MCC: variants seen among roughly 807,000 people sequenced by gnomAD.
MCC encodes MCC regulator of Wnt signaling pathway, also known as colorectal mutant cancer protein.
A neutral mutation model predicts 116.2 loss-of-function variants in MCC; 90 were observed. That is an observed-to-expected ratio of 0.77 (90% CI 0.65 to 0.92). MCC has a LOEUF of 0.92. Ranked by LOEUF, MCC falls within the 40% of genes least tolerant of loss-of-function variation. MCC has a pLI of 0.00. For missense variants in MCC, 1,516 were observed against 1,312.2 expected, an observed-to-expected ratio of 1.16 and a Z score of -2.40; for synonymous variants, 578 against 510.5, an observed-to-expected ratio of 1.13 and a Z score of -1.78.
intron 3 of MCC, among the ~76,000 whole-genome samples, chr5:113,216,995 T>C (rs1294572004): frequency 6.6e-6 from 1 of 152,252 alleles, no homozygotes; most frequent in East Asian, 1.9e-4. Flanking sequence ...ATTATTACTA[T>C]GGACAAAGTC....
At chr5:113,223,687 C>T (rs1011037833) in intron 3 of MCC, among the ~76,000 whole-genome samples, 1 of 152,020 alleles carries the variant, frequency 6.6e-6, no homozygotes, top group Non-Finnish European at 1.5e-5. Context: ...CTAGCCTAGA[C>T]CACAGAATGA....
intron 8 of MCC, among the ~76,000 whole-genome samples, chr5:113,097,013 T>A (rs1756068085): frequency 6.6e-6 from 1 of 152,154 alleles, no homozygotes; most frequent in African/African-American, 2.4e-5. Flanking sequence ...TTTACAGAAC[T>A]TTTATGAATT....
chr5:113,043,542 T>C lies in MCC; in HGVS notation c.2744A>G (p.Asn915Ser). The change falls in exon 17 of 19, where the codon AAC (asparagine) becomes AGC (serine). Residue 915 changes from asparagine to serine, a missense_variant. Asn to Ser is a conservative substitution (Grantham distance 46, BLOSUM62 1). Coordinates refer to ENST00000408903, the MANE Select transcript of MCC (RefSeq NM_001085377.2). The part of the protein sequence containing the change: ...SENELAAEFT[N>S]AIRREKKLKA... ...AAAGGGTGCTTACCGACGAATGGCG[T>C]TGGTGAACTCCGCAGCCAGCTCATT... is the stretch of plus-strand genomic sequence containing the variant. 1.9e-6 allele frequency: 3 copies of C among 1,613,978 alleles called. No homozygotes were observed. Among genetic ancestry groups the C allele is most frequent in the South Asian group, 1.1e-5 (1 of 91,036 alleles).
At chr5:113,068,290 C>G (rs1333943450) in intron 12 of MCC, 107 bp from the exon 13 acceptor site, 1 of 776,228 alleles carries the variant, frequency 1.3e-6, no homozygotes, top group Non-Finnish European at 2.2e-6. Flanking sequence ...CTCGGCCTCA[C>G]TCTCCACACA....
At position 113,115,736 on chromosome 5, in the gene MCC, G is replaced by C. The variant is rs11241193; in HGVS notation, c.1027+6948C>G. Among the ~76,000 whole-genome samples, 334 of 151,868 alleles carry C rather than the reference G, an allele frequency of 2.2e-3. 4 individuals carry two copies. The highest frequency in any genetic ancestry group is 7.1e-3 in the African/African-American group (294 of 41,374). On this transcript the variant is annotated intron_variant, in intron 6 of 18. Coordinates refer to ENST00000408903, the MANE Select transcript of MCC (RefSeq NM_001085377.2). ...GTTCTGTTTCACACATATGTGAAAA[G>C]AAGTTCAAATCTACGTATAATCATT...
chr5:113,182,493 G>A (rs75674416), intron 3 of MCC, among the ~76,000 whole-genome samples: 4,923 of 152,238 alleles, frequency 0.032, 265 homozygotes, highest in African/African-American at 0.11. Context: ...ACTTTCAGGA[G>A]GCTGAGGTAG....
intron 1 of MCC, among the ~76,000 whole-genome samples, chr5:113,464,163 T>C (rs1771832881): frequency 6.6e-6 from 1 of 152,082 alleles, no homozygotes; most frequent in Non-Finnish European, 1.5e-5. Context: ...CAGAACTCAG[T>C]GGGTTGAGGA....
chr5:113,399,138 T>C (rs73252723), intron 1 of MCC, among the ~76,000 whole-genome samples: 27 of 152,320 alleles, frequency 1.8e-4, no homozygotes, highest in African/African-American at 5.1e-4. Context: ...TAGTCTACAA[T>C]ATCTTCAAAT....
chr5:113,410,913 A>T (rs927518643), intron 1 of MCC, among the ~76,000 whole-genome samples: 1 of 152,152 alleles, frequency 6.6e-6, no homozygotes, highest in African/African-American at 2.4e-5. Flanking sequence ...AGCTTCATCC[A>T]TGTCCCTGCA....
intron 5 of MCC, among the ~76,000 whole-genome samples, chr5:113,138,371 C>A (rs1000753450): frequency 6.6e-6 from 1 of 152,232 alleles, no homozygotes; most frequent in Non-Finnish European, 1.5e-5. Flanking sequence ...GGAGACAGGG[C>A]CTTTGGGAGG....
intron 2 of MCC, among the ~76,000 whole-genome samples, chr5:113,380,133 G>A (rs940612953): frequency 9.2e-5 from 14 of 152,228 alleles, no homozygotes; most frequent in Non-Finnish European, 1.5e-5. Flanking sequence ...GCTCCCTGCT[G>A]TAGATGTGCT....
At chr5:113,046,199 CT>C (rs113389112) in intron 16 of MCC, among the ~76,000 whole-genome samples, 37 of 147,430 alleles carry the variant, frequency 2.5e-4, no homozygotes, top group Admixed American at 2.0e-4. Context: ...AATTTTCTTA[CT>C]TTTTTTTTTT....
intron 1 of MCC, among the ~76,000 whole-genome samples, chr5:113,399,223 C>T (rs1359517812): frequency 6.6e-6 from 1 of 152,212 alleles, no homozygotes; most frequent in African/African-American, 2.4e-5. Flanking sequence ...CGGTGGCTCA[C>T]GCCTGTAATC....
At chr5:113,170,352 G>A (rs1490606277) in intron 3 of MCC, among the ~76,000 whole-genome samples, 1 of 152,066 alleles carries the variant, frequency 6.6e-6, no homozygotes, top group African/African-American at 2.4e-5. Context: ...GTAGAATTGG[G>A]CAATATACCA....
intron 2 of MCC, among the ~76,000 whole-genome samples, chr5:113,381,520 G>C (rs547737206): frequency 2.6e-5 from 4 of 152,276 alleles, no homozygotes; most frequent in Non-Finnish European, 5.9e-5. Flanking sequence ...CGGCATGGTG[G>C]TGCTTGCCTG....
At chr5:113,352,306 C>A (rs138695636) in intron 2 of MCC, among the ~76,000 whole-genome samples, 11 of 152,120 alleles carry the variant, frequency 7.2e-5, no homozygotes, top group African/African-American at 2.7e-4. Context: ...CATGATGGTA[C>A]CTGATGGCTC....
At chr5:113,100,874 T>G (rs954746963) in intron 8 of MCC, among the ~76,000 whole-genome samples, 6 of 151,980 alleles carry the variant, frequency 3.9e-5, no homozygotes, top group Non-Finnish European at 8.8e-5. Context: ...AGAAAGAGAG[T>G]CAAGTAAGTC....
intron 2 of MCC, among the ~76,000 whole-genome samples, chr5:113,350,200 C>T (rs1004050292): frequency 7.2e-5 from 11 of 151,880 alleles, no homozygotes; most frequent in African/African-American, 2.7e-4. Flanking sequence ...AATCCTAAAA[C>T]ATACGTGAAA....
intron 1 of MCC, among the ~76,000 whole-genome samples, chr5:113,449,803 T>C (rs1221883155): frequency 6.6e-6 from 1 of 152,228 alleles, no homozygotes; most frequent in African/African-American, 2.4e-5. Flanking sequence ...TTGTCTAAAC[T>C]GATCTTAGAA....
Sources: allele counts gnomAD v4.1 joint callset (sites outside exome capture counted in the v4.1 genomes callset), GRCh38; gene constraint gnomAD v4.1.1; transcripts MANE v1.5; gene names NCBI Gene and HGNC (gene_info 2026-07-23, HGNC 2026-07-21).